The following ADCY2 variants were observed in gnomAD, a reference collection of about 807,000 sequenced individuals.
The protein encoded by ADCY2 is adenylate cyclase 2.
ADCY2 carries 31 observed loss-of-function variants against 125.2 expected under a neutral mutation model. The observed-to-expected ratio is 0.25, with a 90% CI of 0.19 to 0.33. The LOEUF (loss-of-function observed/expected upper bound fraction) is 0.33, where lower values mean the gene tolerates loss of function less well. ADCY2 is among the 10% of genes least tolerant of loss of function. The probability of loss-of-function intolerance (pLI) is 1.00; values close to 1 mark genes in which losing one functional copy is unlikely to be tolerated. For synonymous variants in ADCY2, 512 were observed against 548.4 expected (o/e 0.93, Z 0.93); for missense variants, 904 against 1,418.2 (o/e 0.64, Z 5.82).
intron 5 of ADCY2, chr5:7,692,261 C>T (rs772256668): frequency 2.0e-5 from 3 of 152,132 alleles, no homozygotes; most frequent in African/African-American, 4.8e-5. Context: ...CAAATTTAAC[C>T]GTTACTTAAA....
At chr5:7,589,524 G>GAAAGAAAAGAAAAGAAAAGAA (rs1554022167) in intron 3 of ADCY2, among the ~76,000 whole-genome samples, 2 of 67,950 alleles carry the variant, frequency 2.9e-5, no homozygotes, top group Non-Finnish European at 3.4e-5. Flanking sequence ...AGAAAAGAAA[G>GAAAGAAAAGAAAAGAAAAGAA]AGAAAGAAAG....
At chr5:7,659,911 A>C (rs1207716933) in intron 4 of ADCY2, among the ~76,000 whole-genome samples, 1 of 152,224 alleles carries the variant, frequency 6.6e-6, no homozygotes. Flanking sequence ...CAGTAATAAA[A>C]GATGGAGCTA....
intron 16 of ADCY2, among the ~76,000 whole-genome samples, chr5:7,758,391 T>G (rs1314071001): frequency 6.6e-6 from 1 of 152,196 alleles, no homozygotes; most frequent in Non-Finnish European, 1.5e-5. Flanking sequence ...GTAGGAGATC[T>G]GATGCTTCCT....
chr5:7,480,168 G>A lies in ADCY2; in HGVS notation c.409-40570G>A, dbSNP rs189569380. Among the ~76,000 whole-genome samples, 247 of 152,280 alleles carry A rather than the reference G, an allele frequency of 1.6e-3. 1 individual carries two copies. The highest frequency in any genetic ancestry group is 3.4e-3 in the Middle Eastern group (1 of 294). ...GAGTGCTTATACACTGTTAGTGGGT[G>A]TGTAAATGAGTTCAACCACTGTGGA... is the stretch of plus-strand genomic sequence containing the variant. On this transcript the variant is annotated intron_variant, in intron 2 of 24. Transcript: ENST00000338316.
chr5:7,490,045 T>C (rs996729757), intron 2 of ADCY2, among the ~76,000 whole-genome samples: 3 of 152,140 alleles, frequency 2.0e-5, no homozygotes, highest in Non-Finnish European at 2.9e-5. Context: ...AGGAATGTAG[T>C]GGTAAAAATT....
chr5:7,721,291 A>T (rs542834863), intron 12 of ADCY2, among the ~76,000 whole-genome samples: 1 of 152,170 alleles, frequency 6.6e-6, no homozygotes, highest in East Asian at 1.9e-4. Flanking sequence ...TAGATTCTGG[A>T]TATTAGCCCT....
chr5:7,799,313 C>T (rs1744521753), intron 20 of ADCY2: 1 of 152,330 alleles, frequency 6.6e-6, no homozygotes, highest in African/African-American at 2.4e-5. Flanking sequence ...GCCCCACACC[C>T]AATGCAACCA....
At chr5:7,462,749 G>A (rs1741958544) in intron 2 of ADCY2, among the ~76,000 whole-genome samples, 1 of 152,234 alleles carries the variant, frequency 6.6e-6, no homozygotes, top group Admixed American at 6.5e-5. Context: ...CATTCGTGGT[G>A]TAAATAACAA....
intron 4 of ADCY2, among the ~76,000 whole-genome samples, chr5:7,661,920 G>C (rs556892463): frequency 1.3e-5 from 2 of 152,266 alleles, no homozygotes; most frequent in South Asian, 4.1e-4. Context: ...CTAATTGCAT[G>C]CTTTTCACAG....
At chr5:7,445,253 G>A (rs7715966) in intron 2 of ADCY2, among the ~76,000 whole-genome samples, 124,171 of 152,076 alleles carry the variant, frequency 0.82, 51,358 homozygotes, top group African/African-American at 0.92. Flanking sequence ...GTCCCCGTGG[G>A]AAGTGTGACA....
At chr5:7,621,018 C>CTA (rs1737937471) in intron 3 of ADCY2, among the ~76,000 whole-genome samples, 1 of 152,172 alleles carries the variant, frequency 6.6e-6, no homozygotes, top group Non-Finnish European at 1.5e-5. Flanking sequence ...GCCACCCCAA[C>CTA]ATGAGGTTAA....
chr5:7,557,150 A>ATATATATATATATATATATATATATAT, intron 3 of ADCY2, among the ~76,000 whole-genome samples: 1 of 107,576 alleles, frequency 9.3e-6, no homozygotes, highest in Admixed American at 8.6e-5. Context: ...TATATATATA[A>ATATATATATATATATATATATATATAT]ACTTTATAGA....
intron 2 of ADCY2, among the ~76,000 whole-genome samples, chr5:7,459,252 C>T (rs1207556801): frequency 6.6e-6 from 1 of 152,142 alleles, no homozygotes; most frequent in African/African-American, 2.4e-5. Context: ...GTCACATGGC[C>T]CAGGCAGACC....
intron 2 of ADCY2, among the ~76,000 whole-genome samples, chr5:7,481,354 C>G (rs1171091948): frequency 6.6e-6 from 1 of 152,164 alleles, no homozygotes; most frequent in African/African-American, 2.4e-5. Context: ...GCAAGCTCCG[C>G]CTCCCGGGTT....
intron 4 of ADCY2, among the ~76,000 whole-genome samples, chr5:7,688,648 T>A (rs1740609653): frequency 6.6e-6 from 1 of 152,160 alleles, no homozygotes; most frequent in South Asian, 2.1e-4. Flanking sequence ...ACTTTGGATA[T>A]TACATACTTT....
At chr5:7,535,473 C>A (rs1734784964) in intron 3 of ADCY2, among the ~76,000 whole-genome samples, 1 of 152,174 alleles carries the variant, frequency 6.6e-6, no homozygotes, top group Admixed American at 6.5e-5. Flanking sequence ...CAAACCAGGG[C>A]AATAATAGGC....
intron 4 of ADCY2, among the ~76,000 whole-genome samples, chr5:7,650,883 G>T (rs1739064495): frequency 2.0e-5 from 3 of 152,162 alleles, no homozygotes; most frequent in African/African-American, 7.2e-5. Context: ...TAGGGCGGTT[G>T]CCCAGGGAGT....
chr5:7,437,700 G>C (rs1740858744), intron 2 of ADCY2, among the ~76,000 whole-genome samples: 2 of 152,232 alleles, frequency 1.3e-5, no homozygotes, highest in African/African-American at 4.8e-5. Flanking sequence ...ATGTGGTGCA[G>C]CTCCTTCGTT....
At chr5:7,471,209 A>G (rs1487314006) in intron 2 of ADCY2, among the ~76,000 whole-genome samples, 6 of 151,942 alleles carry the variant, frequency 3.9e-5, no homozygotes, top group Non-Finnish European at 7.4e-5. Context: ...TTCTTATCCA[A>G]TCTGTCTGGC....
Sources: gnomAD v4.1 joint callset for allele counts (sites outside exome capture counted in the v4.1 genomes callset) on GRCh38, gnomAD v4.1.1 for gene constraint, MANE v1.5 for transcripts, NCBI Gene and HGNC (gene_info 2026-07-23, HGNC 2026-07-21) for gene names.